SLC22A23: variants seen among roughly 807,000 people sequenced by gnomAD.
The protein encoded by SLC22A23 is solute carrier family 22 member 23.
In SLC22A23, 26 loss-of-function variants were observed where a neutral mutation model predicts 61.0. The ratio of observed to expected loss-of-function variants is 0.43; its 90% CI spans 0.31 to 0.59. SLC22A23 has a LOEUF of 0.59. SLC22A23 is among the 20% of genes least tolerant of loss of function. The pLI, the probability that SLC22A23 is intolerant of heterozygous loss-of-function variation, is 0.11. For missense variants in SLC22A23, 796 were observed against 934.7 expected, an observed-to-expected ratio of 0.85 and a Z score of 1.94; for synonymous variants, 430 against 413.9, an observed-to-expected ratio of 1.04 and a Z score of -0.47.
intron 1 of SLC22A23, among the ~76,000 whole-genome samples, chr6:3,447,897 C>CTTTT (rs56148243): frequency 1.2e-4 from 10 of 82,352 alleles, no homozygotes; most frequent in East Asian, 3.9e-4. Context: ...CTCTCTCTCT[C>CTTTT]TTTTTTTTTT....
At position 3,390,212 on chromosome 6, in the gene SLC22A23, C is replaced by T. The variant is rs151171350; in HGVS notation, c.913+19976G>A. 1.9e-3 allele frequency among the ~76,000 whole-genome samples: 290 copies of T among 152,166 alleles called. 2 individuals carry two copies. The highest frequency in any genetic ancestry group is 5.8e-3 in the African/African-American group (240 of 41,512). On this transcript the variant is annotated intron_variant, in intron 3 of 9. Transcript: ENST00000406686. This position sits in a 1 kb window ranked among gnomAD's most constrained non-coding sequence, Gnocchi z 4.0. ...TGTTAAACTTCACATCCAATGACAC[C>T]GAGGAGGAAAGGTACCGAAGAAAGA...
At chr6:3,289,452 C>T (rs1178337699) in intron 6 of SLC22A23, among the ~76,000 whole-genome samples, 3 of 152,268 alleles carry the variant, frequency 2.0e-5, no homozygotes, top group Admixed American at 6.5e-5. Flanking sequence ...CCAGAATTTC[C>T]AGCCTTGTGG....
chr6:3,353,668 C>T (rs766319893), intron 3 of SLC22A23, among the ~76,000 whole-genome samples: 10 of 152,196 alleles, frequency 6.6e-5, no homozygotes, highest in Non-Finnish European at 1.3e-4. Context: ...GCTGTGCTCG[C>T]CTCGTCCCAT....
intron 3 of SLC22A23, among the ~76,000 whole-genome samples, chr6:3,385,200 C>T (rs556106108): frequency 2.0e-4 from 31 of 152,202 alleles, no homozygotes; most frequent in African/African-American, 7.5e-4. Flanking sequence ...AACTTAATGC[C>T]ACTGAACCAT....
chr6:3,286,930 C>T lies in SLC22A23; in HGVS notation c.1475G>A (p.Arg492His), dbSNP rs748355311. The change falls in exon 7 of 10, where the codon CGC (arginine) becomes CAC (histidine). Residue 492 changes from arginine to histidine, a missense_variant. Coordinates refer to ENST00000406686, the MANE Select transcript of SLC22A23 (RefSeq NM_015482.2). This position sits in a 1 kb window ranked among gnomAD's most constrained non-coding sequence, Gnocchi z 4.2. The part of the protein sequence containing the change: ...AMCVVVRFLG[R>H]RGGLLLFMIL... ...CATGAAGAGCAGCAGCCCTCCCCTG[C>T]GCCCGAGGAATCGGACCACCACGCA... 7.4e-6 allele frequency: 12 copies of T among 1,613,708 alleles called. No homozygotes were observed. The East Asian group carries it at 8.9e-5, about 12-fold the overall frequency.
At chr6:3,303,381 C>G (rs1293793398) in intron 4 of SLC22A23, 3 of 152,190 alleles carry the variant, frequency 2.0e-5, no homozygotes. Flanking sequence ...GGAAAACAGT[C>G]AAAGAGACAT....
At position 3,324,110 on chromosome 6, in the gene SLC22A23, T is replaced by C. The variant is rs1763135763; in HGVS notation, c.914-108A>G. ...TGCTTAACCCACCAACGACTGAAATTGTTTTCATCTGCTGCCCACCACAAG... is the reference window on the plus strand; with the variant it reads ...TGCTTAACCCACCAACGACTGAAATCGTTTTCATCTGCTGCCCACCACAAG... On this transcript the variant is annotated intron_variant, in intron 3 of 9. Coordinates refer to ENST00000406686, the MANE Select transcript of SLC22A23 (RefSeq NM_015482.2). This position sits in a 1 kb window ranked among gnomAD's most constrained non-coding sequence, Gnocchi z 4.3. 1 of 1,360,060 alleles carries C rather than the reference T, an allele frequency of 7.4e-7. No individual in the cohort carries two copies. Among genetic ancestry groups the C allele is most frequent in the East Asian group, 2.3e-5 (1 of 42,588 alleles). 84.2% of individuals were successfully genotyped at this position (1,360,060 alleles called of 1,614,324 possible). A position where few individuals can be genotyped will look rare whatever the true frequency, so the allele number is the denominator to read the frequency against.
Position 3,386,680 on chromosome 6 carries a change from G to A in SLC22A23, c.913+23508C>T, listed in dbSNP as rs745771411. On this transcript the variant is annotated intron_variant, in intron 3 of 9. Coordinates refer to ENST00000406686, the MANE Select transcript of SLC22A23 (RefSeq NM_015482.2). This position sits in a 1 kb window ranked among gnomAD's most constrained non-coding sequence, Gnocchi z 4.4. ...CTCTTGCTCTACAGATGAAAAGAGTGAATCCAGGACTGCCGGGGACCTGCC... is the reference window on the plus strand; with the variant it reads ...CTCTTGCTCTACAGATGAAAAGAGTAAATCCAGGACTGCCGGGGACCTGCC... Among the ~76,000 whole-genome samples, 9 of 152,226 alleles carry A rather than the reference G, an allele frequency of 5.9e-5. No homozygotes were observed. Among genetic ancestry groups the A allele is most frequent in the Non-Finnish European group, 1.2e-4 (8 of 68,038 alleles).
At chr6:3,425,536 G>A (rs944872050) in intron 1 of SLC22A23, among the ~76,000 whole-genome samples, 4 of 152,044 alleles carry the variant, frequency 2.6e-5, no homozygotes, top group Admixed American at 2.0e-4. Context: ...CGCCCACCTC[G>A]GCCTCCCAAA....
rs1771515624 is a variant in SLC22A23 at position 3,440,440 on chromosome 6, G to A, written c.654+15466C>T. ...AGGAGATGAGTGGCCGGGTGCGGTG[G>A]CTCATGCCTGTAATCCCAGCACTTT... is the stretch of plus-strand genomic sequence containing the variant. On this transcript the variant is annotated intron_variant, in intron 1 of 9. Coordinates refer to ENST00000406686, the MANE Select transcript of SLC22A23 (RefSeq NM_015482.2). 2.0e-5 allele frequency among the ~76,000 whole-genome samples: 3 copies of A among 152,236 alleles called. No homozygotes were observed. In the South Asian group the frequency reaches 6.2e-4, roughly 32 times the overall value.
intron 9 of SLC22A23, among the ~76,000 whole-genome samples, chr6:3,277,739 CG>C (rs1043747951): frequency 6.6e-6 from 1 of 152,236 alleles, no homozygotes; most frequent in African/African-American, 2.4e-5. Flanking sequence ...GTGCTATAGT[CG>C]GATTTCTAGA....
At position 3,441,281 on chromosome 6, in the gene SLC22A23, C is replaced by G. The variant is rs528635699; in HGVS notation, c.654+14625G>C. On this transcript the variant is annotated intron_variant, in intron 1 of 9. Coordinates refer to ENST00000406686, the MANE Select transcript of SLC22A23 (RefSeq NM_015482.2). ...ACCCTTTGGGTGGACACGAGCCCTT[C>G]TCTCCTGGATCTCTCCCATCAAGTC... 6.6e-5 allele frequency among the ~76,000 whole-genome samples: 10 copies of G among 152,144 alleles called. No homozygotes were observed. In the South Asian group the frequency reaches 1.9e-3, roughly 28 times the overall value.
intron 9 of SLC22A23, among the ~76,000 whole-genome samples, chr6:3,280,255 A>G (rs915761093): frequency 1.3e-5 from 2 of 152,142 alleles, no homozygotes; most frequent in African/African-American, 2.4e-5. Context: ...TAAGACAAGG[A>G]CACTAAAGCC....
At chr6:3,452,471 T>C (rs1427158418) in intron 1 of SLC22A23, among the ~76,000 whole-genome samples, 1 of 151,838 alleles carries the variant, frequency 6.6e-6, no homozygotes, top group South Asian at 2.1e-4. Context: ...TGGTGGTGCA[T>C]GCCTGTAGTC....
intron 3 of SLC22A23, among the ~76,000 whole-genome samples, chr6:3,404,823 CT>C (rs1329892308): frequency 3.9e-5 from 6 of 152,250 alleles, no homozygotes; most frequent in African/African-American, 1.2e-4. Context: ...TACTCCTTTG[CT>C]TTTCGCAGTT....
intron 3 of SLC22A23, among the ~76,000 whole-genome samples, chr6:3,340,178 GT>G (rs1449851777): frequency 6.6e-6 from 1 of 152,160 alleles, no homozygotes; most frequent in Admixed American, 6.5e-5. Flanking sequence ...TTTGAAATTG[GT>G]TGGCATTTCC....
intron 3 of SLC22A23, among the ~76,000 whole-genome samples, chr6:3,362,925 G>A (rs145405337): frequency 1.1e-3 from 164 of 152,330 alleles, no homozygotes; most frequent in African/African-American, 3.8e-3. Context: ...CCATGTGCGC[G>A]TGAATGAAAT....
chr6:3,434,814 T>C (rs1771100659), intron 1 of SLC22A23, among the ~76,000 whole-genome samples: 1 of 152,252 alleles, frequency 6.6e-6, no homozygotes, highest in Admixed American at 6.5e-5. Context: ...GGGCATTTGA[T>C]CGTATCCTCC....
intron 3 of SLC22A23, among the ~76,000 whole-genome samples, chr6:3,374,276 A>G (rs1344313493): frequency 6.6e-6 from 1 of 152,206 alleles, no homozygotes; most frequent in East Asian, 1.9e-4. Flanking sequence ...CAAGCCTGGT[A>G]TATCTTTGGG....
Sources: gnomAD v4.1 joint callset for allele counts (sites outside exome capture counted in the v4.1 genomes callset) on GRCh38, gnomAD v4.1.1 for gene constraint, Gnocchi (gnomAD v3.1) non-coding constraint, MANE v1.5 for transcripts, NCBI Gene and HGNC (gene_info 2026-07-23, HGNC 2026-07-21) for gene names.